The following CEP128 variants were observed in gnomAD, a reference collection of about 807,000 sequenced individuals.
CEP128 encodes the protein centrosomal protein 128kDa.
Under a neutral mutation model 156.7 loss-of-function variants are expected in CEP128, and 132 were observed. That is an observed-to-expected ratio of 0.84 (90% CI 0.73 to 0.97). The LOEUF is 0.97. Among genes scored for constraint, CEP128 ranks in the 50% least tolerant of loss-of-function variants. The probability of loss-of-function intolerance (pLI) is 0.00; values close to 1 mark genes in which losing one functional copy is unlikely to be tolerated. For synonymous variants in CEP128, 469 were observed against 448.9 expected (o/e 1.04, Z -0.57); for missense variants, 1,252 against 1,281.9 (o/e 0.98, Z 0.36).
chr14:80,693,397 A>G (rs1390805703), intron 19 of CEP128, among the ~76,000 whole-genome samples: 1 of 152,232 alleles, frequency 6.6e-6, no homozygotes, highest in Non-Finnish European at 1.5e-5. Flanking sequence ...GTTCTATTTC[A>G]GAAGTGATTG....
At chr14:80,502,417 C>G (rs1314649701) in intron 24 of CEP128, among the ~76,000 whole-genome samples, 1 of 152,176 alleles carries the variant, frequency 6.6e-6, no homozygotes, top group East Asian at 1.9e-4. Context: ...GCCTCTTGTT[C>G]TGTTTTCTCT....
chr14:80,900,086 G>C, intron 6 of CEP128, 57 bp from the exon 7 acceptor site: 1 of 1,089,712 alleles, frequency 9.2e-7, no homozygotes, highest in South Asian at 1.4e-5. Context: ...CTTCCATGAA[G>C]ATTCACCAAA....
intron 23 of CEP128, among the ~76,000 whole-genome samples, chr14:80,511,405 T>C (rs1397517889): frequency 2.0e-5 from 3 of 152,146 alleles, no homozygotes; most frequent in Admixed American, 6.5e-5. Context: ...TAATTACTCA[T>C]TGAAGTCTCT....
At chr14:80,796,238 C>T (rs1883466164) in intron 13 of CEP128, among the ~76,000 whole-genome samples, 1 of 152,164 alleles carries the variant, frequency 6.6e-6, no homozygotes, top group Non-Finnish European at 1.5e-5. Context: ...GTGGGCGGAT[C>T]ACTTGAGCCC....
chr14:80,951,212 C>T (rs1055742959), intron 2 of CEP128, among the ~76,000 whole-genome samples: 8 of 152,000 alleles, frequency 5.3e-5, no homozygotes, highest in African/African-American at 7.2e-5. Context: ...AAATATGGAT[C>T]AATACTAAGG....
chr14:80,663,501 T>G (rs1045132977), intron 19 of CEP128, among the ~76,000 whole-genome samples: 2 of 152,176 alleles, frequency 1.3e-5, no homozygotes, highest in South Asian at 4.1e-4. Flanking sequence ...TGACCCTAGA[T>G]CTGATAATTT....
intron 19 of CEP128, among the ~76,000 whole-genome samples, chr14:80,654,937 A>G (rs1189904039): frequency 2.6e-5 from 4 of 152,162 alleles, no homozygotes; most frequent in Admixed American, 1.3e-4. Flanking sequence ...TGGAACTGGT[A>G]TAAACAATCA....
At chr14:80,629,412 G>A (rs1893870607) in intron 19 of CEP128, among the ~76,000 whole-genome samples, 1 of 152,008 alleles carries the variant, frequency 6.6e-6, no homozygotes, top group Non-Finnish European at 1.5e-5. Context: ...GGGCTTTTAT[G>A]TATTTATTTA....
At chr14:80,826,888 T>C (rs926292673) in intron 13 of CEP128, among the ~76,000 whole-genome samples, 1 of 152,182 alleles carries the variant, frequency 6.6e-6, no homozygotes, top group East Asian at 1.9e-4. Flanking sequence ...ATGCTTAGAA[T>C]TCTTATGAAT....
chr14:80,924,372 T>C (rs1885034595), intron 2 of CEP128, among the ~76,000 whole-genome samples: 2 of 152,318 alleles, frequency 1.3e-5, no homozygotes, highest in South Asian at 2.1e-4. Context: ...ACATAATACA[T>C]TAGGAAACAG....
intron 19 of CEP128, among the ~76,000 whole-genome samples, chr14:80,659,120 C>T (rs1895292845): frequency 6.6e-6 from 1 of 152,080 alleles, no homozygotes; most frequent in Non-Finnish European, 1.5e-5. Context: ...AACTTCCCAT[C>T]AAGGAAGTGG....
intron 2 of CEP128, among the ~76,000 whole-genome samples, chr14:80,935,215 G>A (rs1483871343): frequency 3.9e-5 from 6 of 152,138 alleles, no homozygotes; most frequent in African/African-American, 1.4e-4. Context: ...GTATACCAAT[G>A]AGTAAAGGTA....
intron 16 of CEP128, among the ~76,000 whole-genome samples, chr14:80,774,320 A>G (rs1211460299): frequency 6.6e-6 from 1 of 152,228 alleles, no homozygotes; most frequent in African/African-American, 2.4e-5. Context: ...TGGTAGCCTC[A>G]GTAACATCAC....
intron 19 of CEP128, among the ~76,000 whole-genome samples, chr14:80,649,215 T>C (rs1416082763): frequency 6.6e-6 from 1 of 152,080 alleles, no homozygotes; most frequent in Admixed American, 6.6e-5. Flanking sequence ...GGACTGTGTT[T>C]CAAATTGGAC....
chr14:80,692,176 C>T (rs892271806), intron 19 of CEP128, among the ~76,000 whole-genome samples: 4 of 152,128 alleles, frequency 2.6e-5, no homozygotes, highest in Non-Finnish European at 4.4e-5. Context: ...GATGGATCAG[C>T]ATATTGTTAA....
intron 21 of CEP128, among the ~76,000 whole-genome samples, chr14:80,548,129 C>A (rs1890062962): frequency 6.6e-6 from 1 of 151,662 alleles, no homozygotes; most frequent in Non-Finnish European, 1.5e-5. Flanking sequence ...ATGATCTAGT[C>A]CAGCCCAATC....
chr14:80,569,667 CAGT>C (rs1891056674), intron 20 of CEP128, among the ~76,000 whole-genome samples: 1 of 152,130 alleles, frequency 6.6e-6, no homozygotes, highest in South Asian at 2.1e-4. Flanking sequence ...CTCCCTATGC[CAGT>C]TAACAGTTAA....
intron 19 of CEP128, among the ~76,000 whole-genome samples, chr14:80,632,768 G>A (rs867185019): frequency 3.3e-5 from 5 of 151,966 alleles, no homozygotes; most frequent in Non-Finnish European, 5.9e-5. Flanking sequence ...AGCTTCTCAC[G>A]GGTGTATGTC....
At chr14:80,893,512 A>AC (rs1363867662) in intron 8 of CEP128, among the ~76,000 whole-genome samples, 5 of 151,700 alleles carry the variant, frequency 3.3e-5, no homozygotes, top group South Asian at 2.1e-4. Context: ...CCAAAACAAA[A>AC]AAAAAAAATG....
Sources: gnomAD v4.1 joint callset for allele counts (sites outside exome capture counted in the v4.1 genomes callset) on GRCh38, gnomAD v4.1.1 for gene constraint, MANE v1.5 for transcripts, NCBI Gene and HGNC (gene_info 2026-07-23, HGNC 2026-07-21) for gene names.